LENG8: variants seen among roughly 807,000 people sequenced by gnomAD.
The protein encoded by LENG8 is leukocyte receptor cluster member 8.
In LENG8, 28 loss-of-function variants were observed where a neutral mutation model predicts 102.1. The ratio of observed to expected loss-of-function variants is 0.27; its 90% CI spans 0.20 to 0.38. LENG8 has a LOEUF of 0.38. LENG8 is among the 10% of genes least tolerant of loss of function. The probability of loss-of-function intolerance (pLI) is 1.00; values close to 1 mark genes in which losing one functional copy is unlikely to be tolerated. For synonymous variants in LENG8, 531 were observed against 456.7 expected (o/e 1.16, Z -2.07); for missense variants, 1,022 against 1,113.9 (o/e 0.92, Z 1.17).
chr19:54,461,748 T>TTG lies in LENG8; in HGVS notation c.*830_*831dup, dbSNP rs561715173. The TTG allele has an allele frequency of 7.6e-4, 405 of 531,800 alleles. No individual in the cohort carries two copies. Among genetic ancestry groups the TTG allele is most frequent in the African/African-American group, 6.8e-3 (360 of 52,716 alleles). 32.9% of individuals were successfully genotyped at this position (531,800 alleles called of 1,614,324 possible). A position where few individuals can be genotyped will look rare whatever the true frequency, so the allele number is the denominator to read the frequency against. Reference sequence around the variant, plus strand: ...CACGTCATGTTGCCTTCTCTTTTCTTTGTGTGTGTGTTTATTTAAGTTATT... The same window carrying TTG: ...CACGTCATGTTGCCTTCTCTTTTCTTTGTGTGTGTGTGTTTATTTAAGTTATT... On this transcript the variant is annotated 3_prime_UTR_variant, in exon 16 of 16. Coordinates refer to ENST00000326764, the MANE Select transcript of LENG8 (RefSeq NM_052925.4).
chr19:54,458,897 C>G (rs1210829965), intron 15 of LENG8: 1 of 1,544,524 alleles, frequency 6.5e-7, no homozygotes, highest in African/African-American at 1.4e-5. Flanking sequence ...TCGCTGTGCT[C>G]CCACCATAGA....
In LENG8 at chr19:54,452,670, C is replaced by T. The variant is rs1343092689; in HGVS notation, c.233C>T (p.Ala78Val). The stretch of plus-strand genomic sequence containing the variant: ...CCACAGTACGTGTCCCAGGCAGAAG[C>T]CTCAGCTTTGCAGCAGCAGCAGTAC... ...ASAQYVSQAE[A>V]SALQQQQYYQ... The change falls in exon 4 of 16, where the codon GCC (alanine) becomes GTC (valine). Residue 78 changes from alanine (A) to valine (V), a missense_variant. Around this residue, in one of 7 missense-constraint regions of LENG8, gnomAD observed 343 missense variants for 320.2 expected, o/e 1.07. Transcript: ENST00000326764. The T allele has an allele frequency of 1.2e-6, 2 of 1,613,904 alleles. No individual in the cohort carries two copies. The highest frequency in any genetic ancestry group is 1.7e-6 in the Non-Finnish European group (2 of 1,179,910).
chr19:54,458,310 C>T lies in LENG8; in HGVS notation c.2033-4C>T. ...TGACTTCACCCTCTTTGTCTTGGTG[C>T]TAGACATCACCACGGAGCTGGCATA... On this transcript the variant is annotated splice_region_variant and splice_polypyrimidine_tract_variant and intron_variant, in intron 14 of 15. Transcript: ENST00000326764. 3 of 1,613,466 alleles carry T rather than the reference C, an allele frequency of 1.9e-6. No homozygotes were observed. Among genetic ancestry groups the T allele is most frequent in the Non-Finnish European group, 2.5e-6 (3 of 1,179,684 alleles).
intron 1 of LENG8, 36 bp from the exon 2 acceptor site, chr19:54,451,254 C>T (rs767217606): frequency 1.4e-5 from 19 of 1,338,760 alleles, no homozygotes; most frequent in Middle Eastern, 1.8e-4. Flanking sequence ...TTTTAGCTCC[C>T]CCTTAAGTCT....
intron 1 of LENG8, 120 bp from the exon 2 acceptor site, chr19:54,451,170 T>C: frequency 1.5e-6 from 1 of 679,464 alleles, no homozygotes; most frequent in African/African-American, 1.8e-5. Flanking sequence ...CCCAGTGGCT[T>C]TTCAGTCAGC....
intron 5 of LENG8, 118 bp downstream of exon 5, chr19:54,453,774 C>T (rs2084081205): frequency 1.1e-5 from 8 of 707,458 alleles, no homozygotes; most frequent in South Asian, 8.9e-5. Context: ...TTCCAAGCAA[C>T]TCCTGATCTG....
chr19:54,460,896 C>T lies in LENG8; in HGVS notation c.2371C>T (p.Arg791Cys), dbSNP rs1482116928. 2.6e-6 allele frequency: 4 copies of T among 1,553,598 alleles called. No individual in the cohort carries two copies. Among genetic ancestry groups the T allele is most frequent in the African/African-American group, 1.4e-5 (1 of 73,304 alleles). ...CCCGGACAACTCCAGCATCGACTGC[C>T]GCCTCAGCCTGGCGCAGCTGTCAGC... Reference protein sequence around the residue: ...TGPDNSSIDCRLSLAQLSAF With the variant: ...TGPDNSSIDCCLSLAQLSAF The change falls in exon 16 of 16, where the codon CGC becomes TGC. Residue 791 changes from arginine (R) to cysteine (C), a missense_variant. This residue lies in a region of LENG8 where 129 missense variants were observed against 123.0 expected (regional missense o/e 1.05). Coordinates refer to ENST00000326764, the MANE Select transcript of LENG8 (RefSeq NM_052925.4).
Position 54,454,433 on chromosome 19 carries a change from C to G in LENG8, c.430C>G (p.Pro144Ala). 7.5e-6 allele frequency: 12 copies of G among 1,604,100 alleles called. No homozygotes were observed. Among genetic ancestry groups the G allele is most frequent in the Non-Finnish European group, 1.0e-5 (12 of 1,174,442 alleles). The change falls in exon 6 of 16, where the codon CCA (proline) becomes GCA (alanine). Residue 144 changes from proline to alanine, a missense_variant. Coordinates refer to ENST00000326764, the MANE Select transcript of LENG8 (RefSeq NM_052925.4). Reference protein sequence around the residue: ...PQHQGTLNQPPVPGMDESMSY... With the variant: ...PQHQGTLNQPAVPGMDESMSY... Reference sequence around the variant, plus strand: ...CAGCGCCTGCTTCCTTCTGCAGCCCCCAGTCCCCGGCATGGATGAGAGCAT... The same window carrying G: ...CAGCGCCTGCTTCCTTCTGCAGCCCGCAGTCCCCGGCATGGATGAGAGCAT...
At chr19:54,455,165 C>A in intron 7 of LENG8, 73 bp downstream of exon 7, 1 of 1,592,680 alleles carries the variant, frequency 6.3e-7, no homozygotes, top group Non-Finnish European at 8.6e-7. Flanking sequence ...TCCCACTGGC[C>A]AGCTGCCCAC....
At chr19:54,451,212 C>T in intron 1 of LENG8, 78 bp from the exon 2 acceptor site, 1 of 911,958 alleles carries the variant, frequency 1.1e-6, no homozygotes, top group Non-Finnish European at 1.8e-6. Context: ...CTCTTGAGTC[C>T]ATCTACTTTT....
chr19:54,455,630 G>T, intron 8 of LENG8, 63 bp downstream of exon 8: 1 of 1,432,210 alleles, frequency 7.0e-7, no homozygotes, highest in Non-Finnish European at 9.5e-7. Context: ...GCTGGGTATG[G>T]AGGTAGGAGA....
chr19:54,452,154 C>G lies in LENG8; in HGVS notation c.100C>G (p.His34Asp), dbSNP rs1250354748. The part of the protein sequence containing the change: ...GRENGMETPM[H>D]ENPEWEKARQ... ...AGAGAATGGCATGGAGACGCCGATG[C>G]ACGAGAACCCGGAGTGGGAGAAGGC... Residue 34 changes from histidine to aspartate, a missense_variant, in exon 3 of 16, where the codon CAC becomes GAC. This residue lies in a region of LENG8 where 5 missense variants were observed against 23.0 expected (regional missense o/e 0.22). Coordinates refer to ENST00000326764, the MANE Select transcript of LENG8 (RefSeq NM_052925.4). 1 of 1,613,998 alleles carries G rather than the reference C, an allele frequency of 6.2e-7. No individual in the cohort carries two copies. The highest frequency in any genetic ancestry group is 1.3e-5 in the African/African-American group (1 of 74,908).
In LENG8 at chr19:54,452,391, G is replaced by A. The variant is rs558404712; in HGVS notation, c.213+124G>A. On this transcript the variant is annotated intron_variant, in intron 3 of 15. Coordinates refer to ENST00000326764, the MANE Select transcript of LENG8 (RefSeq NM_052925.4). ...GGGAAACATGAAAAGACGTTCCAGG[G>A]TATCTAAATCTGAACGGGAAAAAGT... 9.7e-4 allele frequency: 880 copies of A among 909,778 alleles called. 1 individual carries two copies. Among genetic ancestry groups the A allele is most frequent in the Middle Eastern group, 1.7e-3 (5 of 2,902 alleles). 56.4% of individuals were successfully genotyped at this position (909,778 alleles called of 1,614,324 possible). A position where few individuals can be genotyped will look rare whatever the true frequency, so the allele number is the denominator to read the frequency against.
In LENG8 at chr19:54,454,692, C is replaced by A; in HGVS notation, c.679+10C>A. 1 of 1,584,202 alleles carries A rather than the reference C, an allele frequency of 6.3e-7. No individual in the cohort carries two copies. The highest frequency in any genetic ancestry group is 1.1e-5 in the South Asian group (1 of 89,566). On this transcript the variant is annotated intron_variant, in intron 6 of 15. Coordinates refer to ENST00000326764, the MANE Select transcript of LENG8 (RefSeq NM_052925.4). Reference sequence around the variant, plus strand: ...TGGAACCGCATGAAACGTAAGTTGGCAGAGCTACGTGGAGGTCCGAGCGGT... The same window carrying A: ...TGGAACCGCATGAAACGTAAGTTGGAAGAGCTACGTGGAGGTCCGAGCGGT...
chr19:54,459,306 C>A, intron 15 of LENG8: 1 of 1,009,944 alleles, frequency 9.9e-7, no homozygotes, highest in East Asian at 9.8e-5. Flanking sequence ...AAATTCTGGT[C>A]GAAGAGGTTG....
Position 54,454,489 on chromosome 19 carries a change from G to T in LENG8, c.486G>T (p.Pro162=), listed in dbSNP as rs765172567. Residue 162 remains proline (P), a synonymous_variant, in exon 6 of 16, where the codon CCG becomes CCT. Coordinates refer to ENST00000326764, the MANE Select transcript of LENG8 (RefSeq NM_052925.4). ...ACCAGGCTCCCCCTCAGCAGCTGCC[G>T]TCGGCTCAGCCCCCTCAGCCCTCAA... The part of the protein sequence containing the change: ...MSYQAPPQQL[P]SAQPPQPSNP... The T allele has an allele frequency of 2.2e-5, 36 of 1,613,658 alleles. No homozygotes were observed. The highest frequency in any genetic ancestry group is 5.1e-6 in the Non-Finnish European group (6 of 1,179,858).
At chr19:54,458,695 T>C in intron 15 of LENG8, 174 bp downstream of exon 15, 1 of 1,551,438 alleles carries the variant, frequency 6.4e-7, no homozygotes. Flanking sequence ...CCTCTTGCTC[T>C]CCTTGTTGGT....
At chr19:54,460,728 C>T in intron 15 of LENG8, 38 bp from the exon 16 acceptor site, 1 of 1,387,446 alleles carries the variant, frequency 7.2e-7, no homozygotes, top group Non-Finnish European at 9.4e-7. Context: ...TGCCCTCCCG[C>T]CCGCCCGCCT....
At position 54,456,849 on chromosome 19, in the gene LENG8, C is replaced by A; in HGVS notation, c.1659C>A (p.Thr553=). 1 of 1,611,136 alleles carries A rather than the reference C, an allele frequency of 6.2e-7. No individual in the cohort carries two copies. The highest frequency in any genetic ancestry group is 8.5e-7 in the Non-Finnish European group (1 of 1,179,842). The part of the protein sequence containing the change: ...PDWQELQIVG[T]CPDITKHYLR... ...GGCAGGAGCTGCAGATCGTGGGCAC[C>A]TGCCCTGACATCACCAAGCACTACC... The change falls in exon 11 of 16, where the codon ACC becomes ACA. Residue 553 remains threonine (T), a synonymous_variant. Coordinates refer to ENST00000326764, the MANE Select transcript of LENG8 (RefSeq NM_052925.4).
Sources: gnomAD v4.1 joint callset for allele counts on GRCh38, gnomAD v4.1.1 for gene constraint, gnomAD v4.1.1 regional missense constraint, MANE v1.5 for transcripts, NCBI Gene and HGNC (gene_info 2026-07-23, HGNC 2026-07-21) for gene names.